The following EIPR1 variants were observed in gnomAD, a reference collection of about 807,000 sequenced individuals.
EIPR1 encodes EARP complex and GARP complex interacting protein 1.
Under a neutral mutation model 48.1 loss-of-function variants are expected in EIPR1, and 25 were observed. That is an observed-to-expected ratio of 0.52 (90% CI 0.38 to 0.73). The LOEUF (loss-of-function observed/expected upper bound fraction) is 0.73. EIPR1 is among the 30% of genes least tolerant of loss of function. The pLI is 0.00. For synonymous variants in EIPR1, 204 were observed against 201.9 expected (o/e 1.01, Z -0.09); for missense variants, 415 against 506.2 (o/e 0.82, Z 1.73).
rs770698938 is a variant in EIPR1 at position 3,338,096 on chromosome 2, G to C, written c.180C>G (p.Leu60=). The part of the protein sequence containing the change: ...DENNIINKNV[L]LHQAGEIWHI... Reference sequence around the variant, plus strand: ...GCCAGATTTCACCCGCTTGATGGAGGAGGACATTTTTATTTATAATGTTGT... The same window carrying C: ...GCCAGATTTCACCCGCTTGATGGAGCAGGACATTTTTATTTATAATGTTGT... The change falls in exon 3 of 9, where the codon CTC becomes CTG. Residue 60 remains leucine (L), a synonymous_variant. Transcript: ENST00000382125. 1 of 1,612,988 alleles carries C rather than the reference G, an allele frequency of 6.2e-7. No homozygotes were observed. The highest frequency in any genetic ancestry group is 1.1e-5 in the South Asian group (1 of 90,738).
chr2:3,337,300 T>C (rs1291213268), intron 3 of EIPR1, among the ~76,000 whole-genome samples: 8 of 152,150 alleles, frequency 5.3e-5, no homozygotes, highest in Admixed American at 5.2e-4. Flanking sequence ...ACAGAATGCA[T>C]TAAAAGTACC....
chr2:3,375,235 TG>T (rs1238116907), intron 1 of EIPR1, among the ~76,000 whole-genome samples: 1 of 61,802 alleles, frequency 1.6e-5, no homozygotes, highest in Admixed American at 2.6e-4. Context: ...TGTTGTGGGG[TG>T]GGGGGAGGGG....
At chr2:3,230,865 ATTTCTG>A (rs1482894680) in intron 4 of EIPR1, among the ~76,000 whole-genome samples, 1 of 152,098 alleles carries the variant, frequency 6.6e-6, no homozygotes, top group Non-Finnish European at 1.5e-5. Context: ...CAGGACTTTT[ATTTCTG>A]TTTCTATGGA....
At chr2:3,251,716 T>C (rs1204993221) in intron 4 of EIPR1, among the ~76,000 whole-genome samples, 1 of 152,208 alleles carries the variant, frequency 6.6e-6, no homozygotes, top group Non-Finnish European at 1.5e-5. Flanking sequence ...TTAATTCCCA[T>C]ATACAGCATA....
chr2:3,284,809 G>A (rs1234994215), intron 3 of EIPR1, among the ~76,000 whole-genome samples: 1 of 152,034 alleles, frequency 6.6e-6, no homozygotes, highest in Non-Finnish European at 1.5e-5. Flanking sequence ...TTGGGAAAGG[G>A]GGGCCCGCCA....
chr2:3,208,721 G>A (rs1231345669), intron 5 of EIPR1: 3 of 1,550,096 alleles, frequency 1.9e-6, no homozygotes, highest in Admixed American at 3.9e-5. Context: ...CTTCTTCCAT[G>A]CGTGAGGCTC....
intron 8 of EIPR1, among the ~76,000 whole-genome samples, chr2:3,191,451 A>C (rs1182135517): frequency 1.3e-5 from 2 of 152,218 alleles, no homozygotes; most frequent in African/African-American, 4.8e-5. Flanking sequence ...CACTGCAGAG[A>C]GGGTCTGAAG....
chr2:3,308,644 T>C (rs1669026703), intron 3 of EIPR1, among the ~76,000 whole-genome samples: 1 of 152,124 alleles, frequency 6.6e-6, no homozygotes, highest in African/African-American at 2.4e-5. Flanking sequence ...GGACGTTGCC[T>C]ACAGATTCAA....
At chr2:3,226,812 G>T (rs1418056954) in intron 4 of EIPR1, among the ~76,000 whole-genome samples, 1 of 152,184 alleles carries the variant, frequency 6.6e-6, no homozygotes, top group Non-Finnish European at 1.5e-5. Flanking sequence ...CTCCCATGCT[G>T]TTCTCATGAC....
chr2:3,332,808 G>A (rs1669939311), intron 3 of EIPR1, among the ~76,000 whole-genome samples: 1 of 152,182 alleles, frequency 6.6e-6, no homozygotes, highest in Admixed American at 6.5e-5. Context: ...CTCCAAGAAT[G>A]TCTTTTTCAC....
intron 3 of EIPR1, among the ~76,000 whole-genome samples, chr2:3,324,063 C>T (rs562946000): frequency 3.0e-4 from 46 of 152,318 alleles, no homozygotes; most frequent in African/African-American, 1.1e-3. Flanking sequence ...ATAACAAAAG[C>T]ATGTTATGCA....
chr2:3,351,587 T>A (rs1482916068), intron 2 of EIPR1, among the ~76,000 whole-genome samples: 1 of 152,184 alleles, frequency 6.6e-6, no homozygotes, highest in Non-Finnish European at 1.5e-5. Context: ...GTAGGCACCA[T>A]CCCTGAAACC....
chr2:3,346,902 C>A (rs556317324), intron 2 of EIPR1, among the ~76,000 whole-genome samples: 40 of 152,296 alleles, frequency 2.6e-4, no homozygotes, highest in African/African-American at 8.7e-4. Flanking sequence ...CTTTCGAAAT[C>A]TCATGTTGAA....
At chr2:3,218,190 A>T (rs1281037940) in intron 4 of EIPR1, among the ~76,000 whole-genome samples, 2 of 147,010 alleles carry the variant, frequency 1.4e-5, no homozygotes, top group African/African-American at 5.1e-5. Flanking sequence ...CACGGCCCTG[A>T]TACGCTCTAG....
intron 4 of EIPR1, among the ~76,000 whole-genome samples, chr2:3,256,919 T>C (rs1050354182): frequency 5.3e-5 from 8 of 152,194 alleles, no homozygotes; most frequent in African/African-American, 1.4e-4. Flanking sequence ...GAGGAAGGGA[T>C]TGTAAGCCTC....
At chr2:3,255,814 C>T (rs1009292625) in intron 4 of EIPR1, among the ~76,000 whole-genome samples, 1 of 66,246 alleles carries the variant, frequency 1.5e-5, no homozygotes, top group Non-Finnish European at 3.1e-5. Context: ...TTAACACATA[C>T]ACAAATGTGC....
Position 3,242,245 on chromosome 2 carries a change from C to CA in EIPR1, c.416+15053_416+15054insT, listed in dbSNP as rs1558245853. 1.7e-4 allele frequency among the ~76,000 whole-genome samples: 23 copies of CA among 136,428 alleles called. 1 individual carries two copies. Among genetic ancestry groups the CA allele is most frequent in the Non-Finnish European group, 2.5e-4 (15 of 60,336 alleles). The allele number at this position is 136,428 out of a possible 152,430, so 89.5% of individuals were successfully genotyped here. ...GGCCCCCGACTCCACACCATGGGCC[C>CA]GGCAGCAGCCACTGACGGCTGGAAG... On this transcript the variant is annotated intron_variant, in intron 4 of 8. Transcript: ENST00000382125.
In EIPR1 at chr2:3,189,789, G is replaced by A. The variant is rs1173168767; in HGVS notation, c.990-281C>T. 6.6e-6 allele frequency among the ~76,000 whole-genome samples: 1 copy of A among 152,186 alleles called. No homozygotes were observed. The highest frequency in any genetic ancestry group is 1.5e-5 in the Non-Finnish European group (1 of 68,022). On this transcript the variant is annotated intron_variant, in intron 8 of 8. Coordinates refer to ENST00000382125, the MANE Select transcript of EIPR1 (RefSeq NM_003310.5). The surrounding 1 kb of genome is among the most constrained non-coding windows in gnomAD (Gnocchi z 4.6). ...GGCACATGGTGTCTTGGTTTCTTCT[G>A]TCCTTGGCCCCCGGGTGCCTGGGTT...
At chr2:3,335,172 T>C (rs11127412) in intron 3 of EIPR1, among the ~76,000 whole-genome samples, 36,342 of 152,046 alleles carry the variant, frequency 0.24, 4,626 homozygotes, top group Non-Finnish European at 0.27. Context: ...CCCAGGCCAG[T>C]GCGCTACGAA....
Sources: allele counts gnomAD v4.1 joint callset (sites outside exome capture counted in the v4.1 genomes callset), GRCh38; gene constraint gnomAD v4.1.1; non-coding constraint Gnocchi (gnomAD v3.1); transcripts MANE v1.5; gene names NCBI Gene and HGNC (gene_info 2026-07-23, HGNC 2026-07-21).